ACYP2: variants seen among roughly 807,000 people sequenced by gnomAD.
ACYP2 encodes acylphosphatase 2, also known as acylphosphatase-2.
ACYP2 carries 12 observed loss-of-function variants against 11.2 expected under a neutral mutation model. The ratio of observed to expected loss-of-function variants is 1.08; its 90% CI spans 0.69 to 1.74. The LOEUF (loss-of-function observed/expected upper bound fraction) is 1.74. ACYP2 is among the 40% of genes most tolerant of loss of function. ACYP2 has a pLI of 0.00. For missense variants in ACYP2, 134 were observed against 101.9 expected (o/e 1.31, Z -1.35); for synonymous variants, 43 against 32.2 (o/e 1.33, Z -1.13).
intron 4 of ACYP2, among the ~76,000 whole-genome samples, chr2:54,065,075 C>G (rs547544026): frequency 6.7e-6 from 1 of 148,170 alleles, no homozygotes; most frequent in Non-Finnish European, 1.5e-5. Context: ...CAGAGTGAGA[C>G]TCCATCTCTA....
intron 4 of ACYP2, among the ~76,000 whole-genome samples, chr2:54,103,689 G>T (rs1679016842): frequency 6.6e-6 from 1 of 152,074 alleles, no homozygotes; most frequent in Admixed American, 6.5e-5. Flanking sequence ...ACATGTTTAT[G>T]ACTATGAAAT....
chr2:54,158,197 GT>G (rs5831292), intron 6 of ACYP2, among the ~76,000 whole-genome samples: 54,440 of 130,092 alleles, frequency 0.42, 9,945 homozygotes, highest in South Asian at 0.46. Flanking sequence ...AGTTAACTTT[GT>G]TTTTTTTTTT....
chr2:54,138,616 C>A (rs771752086), intron 5 of ACYP2, 23 bp from the exon 3 acceptor site: 4 of 1,581,352 alleles, frequency 2.5e-6, no homozygotes, highest in East Asian at 2.2e-5. Flanking sequence ...GCACTTTATT[C>A]TTCTTGTTTT....
chr2:54,012,684 T>C (rs1673438965), intron 2 of ACYP2, among the ~76,000 whole-genome samples: 1 of 152,178 alleles, frequency 6.6e-6, no homozygotes, highest in Non-Finnish European at 1.5e-5. Flanking sequence ...TACAGTCCTT[T>C]AATCCATCAT....
intron 6 of ACYP2, among the ~76,000 whole-genome samples, chr2:54,232,910 G>A (rs1022603512): frequency 6.6e-6 from 1 of 152,164 alleles, no homozygotes; most frequent in African/African-American, 2.4e-5. Flanking sequence ...AATTCGAGAT[G>A]AGATTTGGGT....
chr2:53,991,049 G>A (rs1249633400), intron 2 of ACYP2, among the ~76,000 whole-genome samples: 4 of 152,188 alleles, frequency 2.6e-5, no homozygotes, highest in Admixed American at 2.0e-4. Context: ...GCCCGCCTGG[G>A]ACTCCCAAAG....
At chr2:54,241,921 G>A (rs1454934156) in intron 6 of ACYP2, among the ~76,000 whole-genome samples, 1 of 152,066 alleles carries the variant, frequency 6.6e-6, no homozygotes, top group Non-Finnish European at 1.5e-5. Context: ...GCTAAGGCAG[G>A]GAGAATTACT....
intron 6 of ACYP2, among the ~76,000 whole-genome samples, chr2:54,237,105 A>T (rs536983687): frequency 6.6e-6 from 1 of 152,314 alleles, no homozygotes; most frequent in East Asian, 1.9e-4. Flanking sequence ...TCTAGAGATG[A>T]TTTAAAACAC....
At chr2:54,254,643 G>A (rs1166590555) in intron 6 of ACYP2, 1 of 406,058 alleles carries the variant, frequency 2.5e-6, no homozygotes, top group Non-Finnish European at 4.4e-6. Context: ...TAAATACAGT[G>A]TAACCTACAG....
intron 6 of ACYP2, among the ~76,000 whole-genome samples, chr2:54,156,236 A>C (rs1436820113): frequency 6.6e-6 from 1 of 152,148 alleles, no homozygotes; most frequent in East Asian, 1.9e-4. Flanking sequence ...GTTTACCTAC[A>C]ATATAAAAAC....
chr2:53,995,641 C>G (rs1385938881), intron 2 of ACYP2, among the ~76,000 whole-genome samples: 1 of 151,610 alleles, frequency 6.6e-6, no homozygotes, highest in African/African-American at 2.4e-5. Flanking sequence ...TTAGTAGAGA[C>G]AAGGTTTCAT....
intron 4 of ACYP2, among the ~76,000 whole-genome samples, chr2:54,072,847 G>A (rs1029240139): frequency 1.3e-5 from 2 of 152,132 alleles, no homozygotes; most frequent in Non-Finnish European, 2.9e-5. Flanking sequence ...ACAGACGTGA[G>A]CTGCCAAGCC....
chr2:54,245,896 G>A (rs1336073891), intron 6 of ACYP2, among the ~76,000 whole-genome samples: 1 of 151,956 alleles, frequency 6.6e-6, no homozygotes, highest in East Asian at 1.9e-4. Flanking sequence ...TTTGTTGCCT[G>A]TGCTTTTGAG....
At chr2:54,034,289 C>T (rs193264263) in intron 2 of ACYP2, among the ~76,000 whole-genome samples, 4 of 152,202 alleles carry the variant, frequency 2.6e-5, no homozygotes, top group African/African-American at 7.2e-5. Flanking sequence ...ACTCAGGAGG[C>T]GGAGGTTGCG....
At chr2:54,255,469 C>A in intron 6 of ACYP2, 1 of 1,614,054 alleles carries the variant, frequency 6.2e-7, no homozygotes, top group South Asian at 1.1e-5. Flanking sequence ...CCCAAACCTG[C>A]GCTCCACCTG....
At chr2:54,178,432 G>A (rs147118321) in intron 6 of ACYP2, among the ~76,000 whole-genome samples, 348 of 152,232 alleles carry the variant, frequency 2.3e-3, no homozygotes, top group Non-Finnish European at 3.0e-3. Flanking sequence ...CTAAAGAAAC[G>A]TATTTTCAAG....
intron 6 of ACYP2, among the ~76,000 whole-genome samples, chr2:54,201,639 T>TTTCG (rs1684811665): frequency 3.2e-5 from 2 of 63,128 alleles, no homozygotes; most frequent in Non-Finnish European, 7.4e-5. Context: ...TTTCTTTCTC[T>TTTCG]TTCTTTCTTT....
chr2:54,062,846 G>A (rs1247509293), intron 4 of ACYP2, among the ~76,000 whole-genome samples: 1 of 152,174 alleles, frequency 6.6e-6, no homozygotes, highest in African/African-American at 2.4e-5. Flanking sequence ...ACATTTTATT[G>A]GATGAACAAA....
intron 2 of ACYP2, among the ~76,000 whole-genome samples, chr2:54,031,435 T>A (rs952281720): frequency 2.0e-5 from 3 of 152,084 alleles, no homozygotes; most frequent in Admixed American, 2.0e-4. Context: ...TTCATCCATG[T>A]CCCTACAAAG....
Sources: allele counts gnomAD v4.1 joint callset (sites outside exome capture counted in the v4.1 genomes callset), GRCh38; gene constraint gnomAD v4.1.1; transcripts MANE v1.5; gene names NCBI Gene and HGNC (gene_info 2026-07-23, HGNC 2026-07-21).